ZFHX3: variants seen among roughly 807,000 people sequenced by gnomAD.
ZFHX3 encodes zinc finger homeobox 3.
Under a neutral mutation model 279.1 loss-of-function variants are expected in ZFHX3, and 42 were observed. The ratio of observed to expected loss-of-function variants is 0.15; its 90% CI spans 0.12 to 0.19. ZFHX3 has a LOEUF of 0.19. ZFHX3 is among the 10% of genes least tolerant of loss of function. The probability of loss-of-function intolerance (pLI) is 1.00; values close to 1 mark genes in which losing one functional copy is unlikely to be tolerated. For synonymous variants in ZFHX3, 2,293 were observed against 1,957.8 expected (o/e 1.17, Z -4.52); for missense variants, 4,981 against 4,754.0 (o/e 1.05, Z -1.40).
intron 1 of ZFHX3, among the ~76,000 whole-genome samples, chr16:73,680,982 C>G (rs1341042059): frequency 6.6e-6 from 1 of 152,044 alleles, no homozygotes; most frequent in Non-Finnish European, 1.5e-5. Context: ...AATTAAAAGT[C>G]CAGAAATCTA....
At chr16:73,713,080 T>C (rs776700980) in intron 1 of ZFHX3, among the ~76,000 whole-genome samples, 29 of 152,250 alleles carry the variant, frequency 1.9e-4, no homozygotes, top group Non-Finnish European at 1.5e-4. Flanking sequence ...CTCTCTTTTG[T>C]TTAGAAAAAG....
At chr16:72,811,443 G>A (rs1392597329) in intron 7 of ZFHX3, 134 bp downstream of exon 7, 4 of 996,346 alleles carry the variant, frequency 4.0e-6, no homozygotes, top group Non-Finnish European at 5.7e-6. Flanking sequence ...AAAGGTCACA[G>A]AACAAGGACT....
intron 1 of ZFHX3, among the ~76,000 whole-genome samples, chr16:73,017,813 C>G (rs1172213959): frequency 6.6e-6 from 1 of 152,192 alleles, no homozygotes; most frequent in Non-Finnish European, 1.5e-5. Flanking sequence ...ACCAAACAGG[C>G]TAAGACCTCT....
In ZFHX3 at chr16:72,787,053, T is replaced by TTTTG; in HGVS notation, c.*107_*110dup. 2 of 1,069,468 alleles carry TTTTG rather than the reference T, an allele frequency of 1.9e-6. No homozygotes were observed. The highest frequency in any genetic ancestry group is 3.9e-5 in the Admixed American group (1 of 25,484). 66.2% of individuals were successfully genotyped at this position (1,069,468 alleles called of 1,614,324 possible). Reference sequence around the variant, plus strand: ...TTCTTTTTTTTCTTTTTTTTTTTTTTTTTGTTTTTTGGTTAGAAGCTTTGG... The same window carrying TTTTG: ...TTCTTTTTTTTCTTTTTTTTTTTTTTTTTGTTTGTTTTTTGGTTAGAAGCTTTGG... On this transcript the variant is annotated 3_prime_UTR_variant, in exon 10 of 10. Transcript: ENST00000268489.
chr16:73,761,420 T>G (rs2142282039), intron 1 of ZFHX3, among the ~76,000 whole-genome samples: 1 of 152,280 alleles, frequency 6.6e-6, no homozygotes, highest in East Asian at 1.9e-4. Flanking sequence ...CAAAGTAATT[T>G]ATACATTCAA....
At chr16:73,318,735 C>T (rs558978280) in intron 3 of ZFHX3, among the ~76,000 whole-genome samples, 2 of 152,240 alleles carry the variant, frequency 1.3e-5, no homozygotes, top group South Asian at 2.1e-4. Flanking sequence ...TTCGCGGTGT[C>T]ATTAGTAAAC....
At chr16:72,992,952 C>T (rs1963149238) in intron 1 of ZFHX3, among the ~76,000 whole-genome samples, 1 of 152,226 alleles carries the variant, frequency 6.6e-6, no homozygotes, top group Non-Finnish European at 1.5e-5. Context: ...GCCTGGCCAA[C>T]ATGGTGAGAC....
chr16:73,695,296 C>T lies in ZFHX3; in HGVS notation c.-1607-15056G>A, dbSNP rs1335527073. Among the ~76,000 whole-genome samples the T allele has an allele frequency of 3.5e-5, 5 of 144,606 alleles. No homozygotes were observed. The East Asian group carries it at 1.0e-3, about 30-fold the overall frequency. 94.9% of individuals were successfully genotyped at this position (144,606 alleles called of 152,430 possible). A position where few individuals can be genotyped will look rare whatever the true frequency, so the allele number is the denominator to read the frequency against. On this transcript the variant is annotated intron_variant, in intron 1 of 17. Coordinates refer to the ZFHX3 transcript ENST00000641206. Reference sequence around the variant, plus strand: ...CTGTAGCCAGGCTGGAGTGCAGTGGCGCGATCTCAGCTCACTGCAACCTCC... The same window carrying T: ...CTGTAGCCAGGCTGGAGTGCAGTGGTGCGATCTCAGCTCACTGCAACCTCC...
In ZFHX3 at chr16:73,671,210, T is replaced by A. The variant is rs116407618; in HGVS notation, c.-1547+8970A>T. Among the ~76,000 whole-genome samples, 970 of 152,316 alleles carry A rather than the reference T, an allele frequency of 6.4e-3. 9 individuals carry two copies. The highest frequency in any genetic ancestry group is 0.022 in the African/African-American group (912 of 41,574). On this transcript the variant is annotated intron_variant, in intron 2 of 17. Coordinates refer to the ZFHX3 transcript ENST00000641206. ...GGGAGAATACTCCAGCACAGCAGCG[T>A]GTTATTGACCAGGATTAACCACATT...
chr16:73,557,061 C>T (rs546229538), intron 2 of ZFHX3, among the ~76,000 whole-genome samples: 33 of 141,608 alleles, frequency 2.3e-4, no homozygotes, highest in African/African-American at 7.4e-4. Flanking sequence ...GGCCACTGCA[C>T]TCCACCCTGG....
intron 4 of ZFHX3, among the ~76,000 whole-genome samples, chr16:72,887,292 G>A (rs1195664941): frequency 6.6e-6 from 1 of 152,142 alleles, no homozygotes; most frequent in African/African-American, 2.4e-5. Flanking sequence ...ATTAGGAAAT[G>A]TCTACTTCTG....
At chr16:73,376,369 T>C (rs899594671) in intron 3 of ZFHX3, among the ~76,000 whole-genome samples, 2 of 152,230 alleles carry the variant, frequency 1.3e-5, no homozygotes, top group Admixed American at 1.3e-4. Flanking sequence ...AAAATTCTTT[T>C]AGGTTCTGGA....
chr16:73,010,897 T>A (rs754849698), intron 1 of ZFHX3, among the ~76,000 whole-genome samples: 2 of 152,184 alleles, frequency 1.3e-5, no homozygotes, highest in Non-Finnish European at 2.9e-5. Context: ...CTCGAACTCC[T>A]GGGCTCAAGT....
chr16:73,452,392 A>G (rs997086088), intron 3 of ZFHX3, among the ~76,000 whole-genome samples: 2 of 152,146 alleles, frequency 1.3e-5, no homozygotes, highest in Non-Finnish European at 1.5e-5. Context: ...TCACCTTTTT[A>G]TTTTAATTTT....
intron 1 of ZFHX3, among the ~76,000 whole-genome samples, chr16:73,702,500 A>G (rs1567555903): frequency 2.6e-5 from 4 of 152,128 alleles, no homozygotes. Context: ...CTTCCTCGAA[A>G]CTGACATACT....
chr16:73,418,949 G>C (rs937176590), intron 3 of ZFHX3, among the ~76,000 whole-genome samples: 2 of 152,200 alleles, frequency 1.3e-5, no homozygotes, highest in African/African-American at 4.8e-5. Flanking sequence ...CCCAATTCCA[G>C]ATCCTGAAAT....
chr16:72,961,058 G>A (rs1416420970), intron 1 of ZFHX3, among the ~76,000 whole-genome samples: 2 of 152,210 alleles, frequency 1.3e-5, no homozygotes, highest in South Asian at 2.1e-4. Context: ...GGTGCAAAAC[G>A]TGAGCTTGGT....
At chr16:72,891,094 A>G (rs2038762365) in intron 3 of ZFHX3, among the ~76,000 whole-genome samples, 2 of 152,180 alleles carry the variant, frequency 1.3e-5, no homozygotes, top group Admixed American at 1.3e-4. Context: ...GAGAACCCCA[A>G]ATTAGGTTTT....
chr16:73,649,607 C>T (rs1268583718), intron 2 of ZFHX3, among the ~76,000 whole-genome samples: 2 of 152,160 alleles, frequency 1.3e-5, no homozygotes, highest in Non-Finnish European at 2.9e-5. Flanking sequence ...TTAATAAACT[C>T]GTTTTTGTTC....
Sources: allele counts gnomAD v4.1 joint callset (sites outside exome capture counted in the v4.1 genomes callset), GRCh38; gene constraint gnomAD v4.1.1; transcripts MANE v1.5; gene names NCBI Gene and HGNC (gene_info 2026-07-23, HGNC 2026-07-21).